PRPF40B: variants seen among roughly 807,000 people sequenced by gnomAD.
The protein encoded by PRPF40B is pre-mRNA-processing factor 40 homolog B.
PRPF40B carries 56 observed loss-of-function variants against 124.5 expected under a neutral mutation model. That is an observed-to-expected ratio of 0.45 (90% CI 0.36 to 0.56). PRPF40B has a LOEUF of 0.56. Among genes scored for constraint, PRPF40B ranks in the 20% least tolerant of loss-of-function variants. The probability of loss-of-function intolerance (pLI) is 0.00; values close to 1 mark genes in which losing one functional copy is unlikely to be tolerated. For synonymous variants in PRPF40B, 443 were observed against 426.4 expected (o/e 1.04, Z -0.48); for missense variants, 1,053 against 1,169.5 (o/e 0.90, Z 1.45).
intron 12 of PRPF40B, 22 bp downstream of exon 12, chr12:49,634,624 C>T (rs771131742): frequency 1.9e-5 from 31 of 1,613,950 alleles, no homozygotes; most frequent in Non-Finnish European, 2.5e-5. Flanking sequence ...CAGAGGGAGC[C>T]AGGCCCTGTT....
chr12:49,623,707 G>A (rs891391044), intron 1 of PRPF40B, 114 bp downstream of exon 1: 2 of 1,215,698 alleles, frequency 1.6e-6, no homozygotes, highest in East Asian at 6.5e-5. Flanking sequence ...GGACCCCGGG[G>A]AGGGCGAGGG....
Position 49,644,136 on chromosome 12 carries a change from G to A in PRPF40B, c.2623G>A (p.Gly875Ser), listed in dbSNP as rs1464587826. The A allele has an allele frequency of 1.9e-6, 3 of 1,614,164 alleles. No homozygotes were observed. The highest frequency in any genetic ancestry group is 2.2e-5 in the South Asian group (2 of 91,082). Reference protein sequence around the residue: ...WDTSESELSEGELERRRRTLL... With the variant: ...WDTSESELSESELERRRRTLL... ...CACGTCAGAAAGTGAGCTGAGTGAG[G>A]GTGAGCTGGAGAGGCGGCGGCGGAC... Residue 875 changes from glycine (G) to serine (S), a missense_variant, in exon 26 of 26, where the codon GGT (glycine) becomes AGT (serine). Gly to Ser is a moderately conservative substitution (Grantham distance 56). This residue lies in a region of PRPF40B where 895 missense variants were observed against 1,052.2 expected (regional missense o/e 0.85). Coordinates refer to ENST00000548825, the MANE Select transcript of PRPF40B (RefSeq NM_001031698.3).
chr12:49,634,640 G>C (rs377043528), intron 12 of PRPF40B, 38 bp downstream of exon 12: 69 of 1,612,952 alleles, frequency 4.3e-5, no homozygotes, highest in Non-Finnish European at 5.3e-5. Context: ...CTGTTCATGA[G>C]AGCAGCTGTG....
Position 49,635,980 on chromosome 12 carries a change from C to T in PRPF40B, c.1413C>T (p.Asp471=), listed in dbSNP as rs1941752461. The change falls in exon 15 of 26, where the codon GAC becomes GAT. Residue 471 remains aspartate (D), a synonymous_variant. Coordinates refer to ENST00000548825, the MANE Select transcript of PRPF40B (RefSeq NM_001031698.3). This position sits in a 1 kb window ranked among gnomAD's most constrained non-coding sequence, Gnocchi z 4.1. ...TGGATAACCCCAGCTTTGCTCAGGA[C>T]CATCAGCTGCAGAGTAAGCCTGGGC... ...YLMDNPSFAQ[D]HQLQNMDKED... 6.2e-7 allele frequency: 1 copy of T among 1,614,126 alleles called. No homozygotes were observed. The highest frequency in any genetic ancestry group is 1.1e-5 in the South Asian group (1 of 91,082).
rs1419592185 is a variant in PRPF40B at position 49,633,886 on chromosome 12, G to A, written c.606G>A (p.Gly202=). 1.9e-6 allele frequency: 3 copies of A among 1,613,874 alleles called. No homozygotes were observed. The highest frequency in any genetic ancestry group is 2.5e-6 in the Non-Finnish European group (3 of 1,180,016). Residue 202 remains glycine, a splice_region_variant and synonymous_variant, in exon 10 of 26, where the codon GGG becomes GGA. Coordinates refer to ENST00000548825, the MANE Select transcript of PRPF40B (RefSeq NM_001031698.3). ...LEVLVKQEAA[G]KQQQQLPQTL... is the part of the protein sequence containing the mutation. ...CACCGCCCTTCTGGCTCATCTGCAG[G>A]AAACAGCAGCAGCAGCTGCCACAGA...
intron 1 of PRPF40B, among the ~76,000 whole-genome samples, chr12:49,624,706 G>A (rs368106672): frequency 1.1e-4 from 16 of 152,268 alleles, no homozygotes; most frequent in South Asian, 1.0e-3. Flanking sequence ...AAAATTAGGC[G>A]TGGTGGCCCA....
rs539659031 is a variant in PRPF40B, at chr12:49,635,561, C to T, written c.1275+88C>T. 36 of 1,274,026 alleles carry T rather than the reference C, an allele frequency of 2.8e-5. No homozygotes were observed. The highest frequency in any genetic ancestry group is 1.5e-4 in the Admixed American group (7 of 45,218). The allele number at this position is 1,274,026 out of a possible 1,614,324, so 78.9% of individuals were successfully genotyped here. ...TGTTATGGACCCTCGCCATTTACTT[C>T]TCTACTTCCCCAGTGTCCCAGCTTC... On this transcript the variant is annotated intron_variant, in intron 14 of 25. Transcript: ENST00000548825. The surrounding 1 kb of genome is among the most constrained non-coding windows in gnomAD (Gnocchi z 4.1).
At chr12:49,641,659 T>TAATC in intron 18 of PRPF40B, 1 of 486,342 alleles carries the variant, frequency 2.1e-6, no homozygotes, top group Non-Finnish European at 3.7e-6. Flanking sequence ...AACTCAGCAT[T>TAATC]AATCAGCAGT....
chr12:49,636,145 G>T, intron 15 of PRPF40B, 152 bp downstream of exon 15: 1 of 958,720 alleles, frequency 1.0e-6, no homozygotes, highest in Non-Finnish European at 1.5e-6. Flanking sequence ...TACCTCTTTG[G>T]ACTCCGGGGA....
chr12:49,629,714 CAGAT>C (rs1345315275), intron 1 of PRPF40B, among the ~76,000 whole-genome samples: 1 of 152,106 alleles, frequency 6.6e-6, no homozygotes, highest in Admixed American at 6.6e-5. Context: ...AAAAGGGGAT[CAGAT>C]AGAGAAATAG....
chr12:49,632,304 A>T, intron 4 of PRPF40B: 2 of 565,042 alleles, frequency 3.5e-6, no homozygotes, highest in South Asian at 2.4e-5. Flanking sequence ...AGTGTAGCAG[A>T]GTCTGGGTAG....
In PRPF40B at chr12:49,642,634, G is replaced by A; in HGVS notation, c.2077G>A (p.Glu693Lys). ...SAFEQITLES[E>K]RIRLFREFLQ... ...CTTTGAGCAGATCACCCTGGAGTCG[G>A]AGCGGATCCGGCTCTTCCGGGAGTT... is the stretch of plus-strand genomic sequence containing the variant. The change falls in exon 21 of 26, where the codon GAG (glutamate) becomes AAG (lysine). Residue 693 changes from glutamate to lysine, a missense_variant. Physicochemically the swap from Glu to Lys is moderately conservative, Grantham distance 56 (BLOSUM62 1). Transcript: ENST00000548825. This position sits in a 1 kb window ranked among gnomAD's most constrained non-coding sequence, Gnocchi z 5.8. 1.9e-6 allele frequency: 3 copies of A among 1,614,210 alleles called. No homozygotes were observed. The highest frequency in any genetic ancestry group is 1.6e-4 in the Middle Eastern group (1 of 6,062).
At position 49,644,124 on chromosome 12, in the gene PRPF40B, G is replaced by A. The variant is rs1184048471; in HGVS notation, c.2611G>A (p.Glu871Lys). ...EKTGWDTSES[E>K]LSEGELERRR... ...GACAGGCTGGGACACGTCAGAAAGT[G>A]AGCTGAGTGAGGGTGAGCTGGAGAG... Residue 871 changes from glutamate (E) to lysine (K), a missense_variant, in exon 26 of 26, where the codon GAG becomes AAG. Physicochemically the swap from Glu to Lys is moderately conservative, Grantham distance 56. Around this residue, in one of 2 missense-constraint regions of PRPF40B, gnomAD observed 895 missense variants for 1,052.2 expected, o/e 0.85. Coordinates refer to ENST00000548825, the MANE Select transcript of PRPF40B (RefSeq NM_001031698.3). 1 of 1,614,206 alleles carries A rather than the reference G, an allele frequency of 6.2e-7. No homozygotes were observed. The highest frequency in any genetic ancestry group is 8.5e-7 in the Non-Finnish European group (1 of 1,180,038).
In PRPF40B at chr12:49,643,963, C is replaced by T; in HGVS notation, c.2545C>T (p.Leu849Phe). 1 of 1,614,196 alleles carries T rather than the reference C, an allele frequency of 6.2e-7. No individual in the cohort carries two copies. ...GGACAGGGAGCTCCAACAGGCAGAG[C>T]TCCCTAACCGTTCCCCAGGCTTTGG... Reference protein sequence around the residue: ...DKDRELQQAELPNRSPGFGIK... With the variant: ...DKDRELQQAEFPNRSPGFGIK... The change falls in exon 25 of 26, where the codon CTC (leucine) becomes TTC (phenylalanine). Residue 849 changes from leucine (L) to phenylalanine (F), a missense_variant. By Grantham distance (22) the Leu-to-Phe change is conservative (BLOSUM62 0). Around this residue, in one of 2 missense-constraint regions of PRPF40B, gnomAD observed 895 missense variants for 1,052.2 expected, o/e 0.85. Transcript: ENST00000548825.
intron 7 of PRPF40B, 37 bp from the exon 8 acceptor site, chr12:49,633,390 C>A: frequency 6.2e-7 from 1 of 1,613,292 alleles, no homozygotes; most frequent in Non-Finnish European, 8.5e-7. Flanking sequence ...GAGAACTTGC[C>A]CATCCCACTG....
chr12:49,642,613 G>A lies in PRPF40B; in HGVS notation c.2056G>A (p.Glu686Lys). ...GCGTTTTGTGTGTGACTCAGCCTTTGAGCAGATCACCCTGGAGTCGGAGCG... is the reference window on the plus strand; with the variant it reads ...GCGTTTTGTGTGTGACTCAGCCTTTAAGCAGATCACCCTGGAGTCGGAGCG... ...RERFVCDSAF[E>K]QITLESERIR... Residue 686 changes from glutamate (E) to lysine (K), a missense_variant, in exon 21 of 26, where the codon GAG becomes AAG. Glu to Lys is a moderately conservative substitution (Grantham distance 56). This residue lies in a region of PRPF40B where 895 missense variants were observed against 1,052.2 expected (regional missense o/e 0.85). Coordinates refer to ENST00000548825, the MANE Select transcript of PRPF40B (RefSeq NM_001031698.3). The surrounding 1 kb of genome is among the most constrained non-coding windows in gnomAD (Gnocchi z 5.8). 1 of 1,614,184 alleles carries A rather than the reference G, an allele frequency of 6.2e-7. No homozygotes were observed. The highest frequency in any genetic ancestry group is 8.5e-7 in the Non-Finnish European group (1 of 1,180,030).
Position 49,637,741 on chromosome 12 carries a change from C to T in PRPF40B, c.1684C>T (p.Pro562Ser), listed in dbSNP as rs1592602850. Reference protein sequence around the residue: ...ANMLGQPGSTPLDLFKFYVEE... With the variant: ...ANMLGQPGSTSLDLFKFYVEE... ...TCCCTCCCTCCTTACAGGCTCCACC[C>T]CTCTGGACTTATTCAAGTTCTATGT... Residue 562 changes from proline (P) to serine (S), a missense_variant, in exon 18 of 26, where the codon CCT becomes TCT. Pro to Ser is a moderately conservative substitution (Grantham distance 74, BLOSUM62 -1). This residue lies in a region of PRPF40B where 895 missense variants were observed against 1,052.2 expected (regional missense o/e 0.85). Transcript: ENST00000548825. The T allele has an allele frequency of 2.3e-5, 37 of 1,608,540 alleles. No individual in the cohort carries two copies. In the East Asian group the frequency reaches 8.0e-4, roughly 35 times the overall value.
In PRPF40B at chr12:49,635,983, T is replaced by A; in HGVS notation, c.1416T>A (p.His472Gln). The change falls in exon 15 of 26, where the codon CAT (histidine) becomes CAA (glutamine). Residue 472 changes from histidine (H) to glutamine (Q), a missense_variant. His to Gln is a conservative substitution (Grantham distance 24). Around this residue, in one of 2 missense-constraint regions of PRPF40B, gnomAD observed 895 missense variants for 1,052.2 expected, o/e 0.85. Transcript: ENST00000548825. This position sits in a 1 kb window ranked among gnomAD's most constrained non-coding sequence, Gnocchi z 4.1. ...LMDNPSFAQD[H>Q]QLQNMDKEDA... ...ATAACCCCAGCTTTGCTCAGGACCA[T>A]CAGCTGCAGAGTAAGCCTGGGCCTC... is the stretch of plus-strand genomic sequence containing the variant. 6.2e-7 allele frequency: 1 copy of A among 1,614,124 alleles called. No individual in the cohort carries two copies. The highest frequency in any genetic ancestry group is 1.7e-5 in the Admixed American group (1 of 60,020).
chr12:49,631,793 G>A lies in PRPF40B; in HGVS notation c.229-67G>A. 2 of 1,496,612 alleles carry A rather than the reference G, an allele frequency of 1.3e-6. No individual in the cohort carries two copies. Among genetic ancestry groups the A allele is most frequent in the African/African-American group, 1.4e-5 (1 of 72,394 alleles). 92.7% of individuals were successfully genotyped at this position (1,496,612 alleles called of 1,614,324 possible). On this transcript the variant is annotated intron_variant, in intron 3 of 25. Transcript: ENST00000548825. This position sits in a 1 kb window ranked among gnomAD's most constrained non-coding sequence, Gnocchi z 4.3. ...AGTGAGATGTCTCAGGACCCTTTGA[G>A]GTACCCTGTCCCTCCTGTTCCAGCC... is the stretch of plus-strand genomic sequence containing the variant.
Sources: allele counts gnomAD v4.1 joint callset (sites outside exome capture counted in the v4.1 genomes callset), GRCh38; gene constraint gnomAD v4.1.1; regional missense constraint gnomAD v4.1.1; non-coding constraint Gnocchi (gnomAD v3.1); transcripts MANE v1.5; gene names NCBI Gene and HGNC (gene_info 2026-07-23, HGNC 2026-07-21).